The following RNF150 variants were observed in gnomAD, a reference collection of about 807,000 sequenced individuals.
The protein encoded by RNF150 is ring finger protein 150.
RNF150 carries 24 observed loss-of-function variants against 39.3 expected under a neutral mutation model. The ratio of observed to expected loss-of-function variants is 0.61; its 90% confidence interval spans 0.44 to 0.86. The LOEUF (loss-of-function observed/expected upper bound fraction) is 0.86. Ranked by LOEUF, RNF150 falls within the 40% of genes least tolerant of loss-of-function variation. RNF150 has a pLI of 0.00. For synonymous variants in RNF150, 255 were observed against 227.3 expected, an observed-to-expected ratio of 1.12 and a Z score of -1.10; for missense variants, 502 against 587.8, an observed-to-expected ratio of 0.85 and a Z score of 1.51.
chr4:140,961,252 A>G (rs1232305776), intron 2 of RNF150, among the ~76,000 whole-genome samples: 1 of 152,138 alleles, frequency 6.6e-6, no homozygotes, highest in Non-Finnish European at 1.5e-5. Flanking sequence ...CTTCATGGGA[A>G]ACTGAATTGA....
intron 1 of RNF150, among the ~76,000 whole-genome samples, chr4:141,101,226 C>A (rs980538071): frequency 1.3e-5 from 2 of 152,052 alleles, no homozygotes; most frequent in African/African-American, 4.8e-5. Context: ...TGTAATAATG[C>A]CTTAAAACAC....
chr4:141,054,457 T>C (rs1195554343), intron 1 of RNF150, among the ~76,000 whole-genome samples: 2 of 152,190 alleles, frequency 1.3e-5, no homozygotes, highest in African/African-American at 4.8e-5. Flanking sequence ...CATGAATGGG[T>C]TATAATGCTA....
intron 6 of RNF150, among the ~76,000 whole-genome samples, chr4:140,893,983 TG>T (rs1310624502): frequency 2.6e-5 from 4 of 152,170 alleles, no homozygotes; most frequent in African/African-American, 9.7e-5. Context: ...GAATTTAACA[TG>T]GGGGTTAAGG....
At chr4:140,933,067 T>C (rs562452565) in intron 4 of RNF150, among the ~76,000 whole-genome samples, 1 of 152,302 alleles carries the variant, frequency 6.6e-6, no homozygotes, top group South Asian at 2.1e-4. Context: ...GTTAAATGCT[T>C]GTTTGTATAG....
intron 6 of RNF150, among the ~76,000 whole-genome samples, chr4:140,889,878 G>A (rs533880602): frequency 7.9e-5 from 12 of 152,210 alleles, no homozygotes; most frequent in African/African-American, 2.9e-4. Context: ...GTCAGGAACT[G>A]CCTGCATTGC....
chr4:141,000,058 A>G (rs1204031134), intron 1 of RNF150, among the ~76,000 whole-genome samples: 2 of 98,800 alleles, frequency 2.0e-5, no homozygotes, highest in African/African-American at 7.5e-5. Flanking sequence ...AAGAAGAAGA[A>G]GAAGAAGAAG....
chr4:141,053,179 A>C (rs1736844609), intron 1 of RNF150, among the ~76,000 whole-genome samples: 1 of 152,224 alleles, frequency 6.6e-6, no homozygotes, highest in African/African-American at 2.4e-5. Flanking sequence ...TCTCCATTTA[A>C]AACTATCAAA....
intron 1 of RNF150, among the ~76,000 whole-genome samples, chr4:141,196,737 G>T (rs1382018109): frequency 6.6e-6 from 1 of 152,182 alleles, no homozygotes; most frequent in African/African-American, 2.4e-5. Flanking sequence ...TTGACTTCTT[G>T]CTAAGATATG....
chr4:140,919,319 A>C (rs1315970608), intron 5 of RNF150, among the ~76,000 whole-genome samples: 1 of 143,502 alleles, frequency 7.0e-6, no homozygotes, highest in Non-Finnish European at 1.5e-5. Context: ...CCTTAAGCTG[A>C]TAAGCAACTT....
chr4:141,095,541 A>G (rs1037642207), intron 1 of RNF150, among the ~76,000 whole-genome samples: 2 of 152,244 alleles, frequency 1.3e-5, no homozygotes, highest in Non-Finnish European at 2.9e-5. Context: ...TCTCAAAAAC[A>G]TAATTCTAAG....
chr4:141,053,698 A>G, intron 1 of RNF150: 1 of 1,416,930 alleles, frequency 7.1e-7, no homozygotes. Flanking sequence ...TGGTGAAATC[A>G]GCTTCAGGGG....
In RNF150 at chr4:140,974,726, T is replaced by C. The variant is rs535426392; in HGVS notation, c.485-6853A>G. ...GTACAAAGGTATTGCATTGTGTCTT[T>C]ACAATATCTCTTCATTCATTGTGAG... On this transcript the variant is annotated intron_variant, in intron 1 of 6. Transcript: ENST00000515673. 5.9e-5 allele frequency among the ~76,000 whole-genome samples: 9 copies of C among 152,328 alleles called. No homozygotes were observed. In the South Asian group the frequency reaches 1.9e-3, roughly 32 times the overall value.
At chr4:140,892,203 AC>A (rs1729777911) in intron 6 of RNF150, among the ~76,000 whole-genome samples, 1 of 152,194 alleles carries the variant, frequency 6.6e-6, no homozygotes, top group African/African-American at 2.4e-5. Context: ...ATGGAGGGAC[AC>A]CTATATAGCA....
At chr4:141,146,926 C>A (rs573941515) in intron 1 of RNF150, among the ~76,000 whole-genome samples, 1 of 152,264 alleles carries the variant, frequency 6.6e-6, no homozygotes, top group South Asian at 2.1e-4. Context: ...AGCTTTATTA[C>A]TGATAAAAGC....
chr4:141,027,926 GTTTTTTTTTTT>G (rs61543533), intron 1 of RNF150, among the ~76,000 whole-genome samples: 9 of 69,126 alleles, frequency 1.3e-4, no homozygotes, highest in East Asian at 5.7e-4. Flanking sequence ...TTTTTTTTTT[GTTTTTTTTTTT>G]TTTTTTTTTT....
At chr4:140,906,064 T>G (rs1212463950) in intron 6 of RNF150, among the ~76,000 whole-genome samples, 3 of 152,066 alleles carry the variant, frequency 2.0e-5, no homozygotes, top group Non-Finnish European at 4.4e-5. Flanking sequence ...AAAAATTTTT[T>G]GGGGTATGTG....
At chr4:141,118,572 A>G (rs1420722722) in intron 1 of RNF150, among the ~76,000 whole-genome samples, 2 of 152,186 alleles carry the variant, frequency 1.3e-5, no homozygotes, top group Admixed American at 1.3e-4. Flanking sequence ...AGGCCCAATC[A>G]GCCTACCTGC....
chr4:140,917,239 C>A (rs559349047), intron 5 of RNF150, among the ~76,000 whole-genome samples: 3 of 152,196 alleles, frequency 2.0e-5, no homozygotes, highest in Non-Finnish European at 4.4e-5. Context: ...TTGAAAGGCA[C>A]AGACTGGCAA....
intron 1 of RNF150, among the ~76,000 whole-genome samples, chr4:140,998,229 A>G (rs1734455930): frequency 6.6e-6 from 1 of 152,202 alleles, no homozygotes. Flanking sequence ...AAGTTCATTT[A>G]TTGAAAGCCA....
Sources: gnomAD v4.1 joint callset for allele counts (sites outside exome capture counted in the v4.1 genomes callset) on GRCh38, gnomAD v4.1.1 for gene constraint, MANE v1.5 for transcripts, NCBI Gene and HGNC (gene_info 2026-07-23, HGNC 2026-07-21) for gene names.